The following LPP variants were observed in gnomAD, a reference collection of about 807,000 sequenced individuals.
LPP encodes LIM domain containing preferred translocation partner in lipoma, also known as lipoma-preferred partner.
In LPP, 38 loss-of-function variants were observed where a neutral mutation model predicts 60.4. The ratio of observed to expected loss-of-function variants is 0.63; its 90% CI spans 0.49 to 0.83. The LOEUF is 0.83. Ranked by LOEUF, LPP falls within the 40% of genes least tolerant of loss-of-function variation. The probability of loss-of-function intolerance (pLI) is 0.00; values close to 1 mark genes in which losing one functional copy is unlikely to be tolerated. For synonymous variants in LPP, 328 were observed against 290.8 expected, an observed-to-expected ratio of 1.13 and a Z score of -1.30; for missense variants, 902 against 783.6, an observed-to-expected ratio of 1.15 and a Z score of -1.80.
intron 3 of LPP, among the ~76,000 whole-genome samples, chr3:188,345,742 A>C (rs756149472): frequency 6.6e-6 from 1 of 152,120 alleles, no homozygotes; most frequent in Non-Finnish European, 1.5e-5. Context: ...TGAAACTCAC[A>C]TGTACATGGG....
intron 4 of LPP, among the ~76,000 whole-genome samples, chr3:188,460,639 A>G (rs948884682): frequency 3.9e-5 from 6 of 152,082 alleles, no homozygotes; most frequent in East Asian, 3.9e-4. Flanking sequence ...TTGTTTCTGA[A>G]GGTGTATGTA....
chr3:188,383,349 T>A (rs561403380), intron 3 of LPP, among the ~76,000 whole-genome samples: 23 of 152,338 alleles, frequency 1.5e-4, no homozygotes, highest in African/African-American at 5.5e-4. Context: ...TCTTTTGTCA[T>A]GTTGAATGTA....
intron 6 of LPP, among the ~76,000 whole-genome samples, chr3:188,560,214 T>C (rs1830355652): frequency 1.3e-5 from 2 of 152,108 alleles, no homozygotes; most frequent in Non-Finnish European, 2.9e-5. Context: ...CTTCCCCTTC[T>C]GTAGATGGTC....
At chr3:188,242,790 C>T (rs572814566) in intron 2 of LPP, among the ~76,000 whole-genome samples, 2 of 152,322 alleles carry the variant, frequency 1.3e-5, no homozygotes, top group East Asian at 3.9e-4. Flanking sequence ...AACATTTCCC[C>T]TTTCTCCTTA....
At chr3:188,219,169 T>C (rs969070359) in intron 1 of LPP, among the ~76,000 whole-genome samples, 3 of 152,154 alleles carry the variant, frequency 2.0e-5, no homozygotes, top group African/African-American at 7.2e-5. Context: ...CACAAGAACC[T>C]AGCTGTATAC....
chr3:188,390,893 A>G (rs1469826144), intron 3 of LPP, among the ~76,000 whole-genome samples: 1 of 152,178 alleles, frequency 6.6e-6, no homozygotes, highest in East Asian at 1.9e-4. Flanking sequence ...GTTCTTAACA[A>G]GTACTGCAAC....
intron 1 of LPP, among the ~76,000 whole-genome samples, chr3:188,175,031 A>G (rs138408858): frequency 9.8e-5 from 15 of 152,342 alleles, no homozygotes; most frequent in African/African-American, 3.6e-4. Flanking sequence ...ATGGATGGAC[A>G]GGTTTGACAC....
rs1766093304 is a variant in LPP at position 188,352,317 on chromosome 3, C to T, written c.-10+10598C>T. On this transcript the variant is annotated intron_variant, in intron 3 of 11. Transcript: ENST00000617246. This position sits in a 1 kb window ranked among gnomAD's most constrained non-coding sequence, Gnocchi z 4.4. ...TGTGGCAGCTGCGCACACGTATTGG[C>T]TGCTTTTTCTCCCCACCTTTGGCAG... is the stretch of plus-strand genomic sequence containing the variant. Among the ~76,000 whole-genome samples the T allele has an allele frequency of 1.3e-5, 2 of 152,198 alleles. No homozygotes were observed. Among genetic ancestry groups the T allele is most frequent in the South Asian group, 4.1e-4 (2 of 4,832 alleles).
intron 2 of LPP, among the ~76,000 whole-genome samples, chr3:188,311,631 C>T (rs1256125815): frequency 5.8e-5 from 5 of 85,972 alleles, no homozygotes; most frequent in African/African-American, 1.7e-4. Flanking sequence ...TATTGTCCAA[C>T]ATTTCTTTTT....
rs115030255 is a variant in LPP, at chr3:188,382,252, A to G, written c.-9-23860A>G. Among the ~76,000 whole-genome samples the G allele has an allele frequency of 1.6e-4, 25 of 152,228 alleles. No individual in the cohort carries two copies. The East Asian group carries it at 4.4e-3, about 27-fold the overall frequency. ...CTTGTAAGTCTACTTTTGTCACTCA[A>G]TTGTGTGAATTGTGTGTTTGTACAG... On this transcript the variant is annotated intron_variant, in intron 3 of 11. Transcript: ENST00000617246.
chr3:188,617,484 G>A (rs1242539075), intron 7 of LPP, among the ~76,000 whole-genome samples: 1 of 152,088 alleles, frequency 6.6e-6, no homozygotes, highest in Non-Finnish European at 1.5e-5. Flanking sequence ...AGTTTTGTAA[G>A]GCCACTGAAT....
chr3:188,646,443 A>G (rs1851112938), intron 7 of LPP, among the ~76,000 whole-genome samples: 1 of 152,228 alleles, frequency 6.6e-6, no homozygotes, highest in South Asian at 2.1e-4. Context: ...CTTTGCATAC[A>G]AAGTACTATA....
At chr3:188,230,524 C>G (rs1719524309) in intron 2 of LPP, among the ~76,000 whole-genome samples, 1 of 152,036 alleles carries the variant, frequency 6.6e-6, no homozygotes, top group Non-Finnish European at 1.5e-5. Flanking sequence ...TGGCTTATGC[C>G]TGTAATCCCA....
At chr3:188,558,985 C>T (rs1037503587) in intron 6 of LPP, among the ~76,000 whole-genome samples, 5 of 152,020 alleles carry the variant, frequency 3.3e-5, no homozygotes, top group African/African-American at 7.2e-5. Flanking sequence ...GAGGATAGGA[C>T]GGTATTATAG....
intron 2 of LPP, among the ~76,000 whole-genome samples, chr3:188,332,965 A>C (rs1181556550): frequency 7.1e-6 from 1 of 140,400 alleles, no homozygotes; most frequent in East Asian, 2.1e-4. Flanking sequence ...CTTTTCAATA[A>C]GGAAGCATCA....
chr3:188,689,009 C>T (rs548927901), intron 7 of LPP: 19 of 431,290 alleles, frequency 4.4e-5, no homozygotes, highest in African/African-American at 8.5e-5. Flanking sequence ...AAAGATTAAA[C>T]GAGAAAAGAA....
At chr3:188,218,638 A>G (rs1237778343) in intron 1 of LPP, among the ~76,000 whole-genome samples, 1 of 152,174 alleles carries the variant, frequency 6.6e-6, no homozygotes, top group African/African-American at 2.4e-5. Context: ...TATATTACCT[A>G]TTCATTGAGT....
chr3:188,781,054 G>A (rs2150861772), intron 9 of LPP, among the ~76,000 whole-genome samples: 1 of 152,324 alleles, frequency 6.6e-6, no homozygotes, highest in South Asian at 2.1e-4. Flanking sequence ...AAGTTAGACT[G>A]GTGTTATGTG....
chr3:188,832,490 G>T (rs1560269061), intron 9 of LPP, among the ~76,000 whole-genome samples: 1 of 152,194 alleles, frequency 6.6e-6, no homozygotes, highest in Non-Finnish European at 1.5e-5. Context: ...GACTCCGAGT[G>T]GAGGACCCAG....
Sources: allele counts gnomAD v4.1 joint callset (sites outside exome capture counted in the v4.1 genomes callset), GRCh38; gene constraint gnomAD v4.1.1; non-coding constraint Gnocchi (gnomAD v3.1); transcripts MANE v1.5; gene names NCBI Gene and HGNC (gene_info 2026-07-23, HGNC 2026-07-21).